ATF2: variants seen among roughly 807,000 people sequenced by gnomAD.
The protein encoded by ATF2 is activating transcription factor 2, also known as cyclic AMP-dependent transcription factor ATF-2.
Under a neutral mutation model 60.6 loss-of-function variants are expected in ATF2, and 24 were observed. The observed-to-expected ratio is 0.40, with a 90% CI of 0.29 to 0.56. The LOEUF is 0.56. ATF2 is among the 20% of genes least tolerant of loss of function. The pLI, the probability that ATF2 is intolerant of heterozygous loss-of-function variation, is 0.54. For missense variants in ATF2, 433 were observed against 607.7 expected, an observed-to-expected ratio of 0.71 and a Z score of 3.02; for synonymous variants, 206 against 215.4, an observed-to-expected ratio of 0.96 and a Z score of 0.38.
intron 2 of ATF2, among the ~76,000 whole-genome samples, chr2:175,141,237 C>T (rs903948988): frequency 1.3e-5 from 2 of 151,316 alleles, no homozygotes; most frequent in Non-Finnish European, 2.9e-5. Context: ...CAGTGAAACT[C>T]ACCCTAGTTT....
In ATF2 at chr2:175,125,559, G is replaced by A. The variant is rs112471221; in HGVS notation, c.103-4019C>T. Among the ~76,000 whole-genome samples, 425 of 152,128 alleles carry A rather than the reference G, an allele frequency of 2.8e-3. 1 individual carries two copies. The highest frequency in any genetic ancestry group is 6.9e-3 in the African/African-American group (285 of 41,542). On this transcript the variant is annotated intron_variant, in intron 4 of 13. Transcript: ENST00000264110. ...AAAATACACGAAGAAACTTAGAAAC[G>A]TGTAAACATTTAAATCCAGTTATTC...
At chr2:175,117,105 A>C (rs1209877577) in intron 7 of ATF2, among the ~76,000 whole-genome samples, 1 of 151,884 alleles carries the variant, frequency 6.6e-6, no homozygotes, top group Non-Finnish European at 1.5e-5. Context: ...TCTAGAAAAA[A>C]ATGTTTCAAG....
At chr2:175,113,193 T>C (rs1696321178) in intron 9 of ATF2, among the ~76,000 whole-genome samples, 1 of 152,100 alleles carries the variant, frequency 6.6e-6, no homozygotes, top group Non-Finnish European at 1.5e-5. Flanking sequence ...TTTTATGTAA[T>C]GTAAGTAAGA....
At chr2:175,142,794 GA>G (rs1366445072) in intron 2 of ATF2, among the ~76,000 whole-genome samples, 81 of 151,174 alleles carry the variant, frequency 5.4e-4, no homozygotes, top group African/African-American at 1.9e-3. Flanking sequence ...GCTGCAGAGA[GA>G]AACAGAAAGA....
At chr2:175,082,559 G>A (rs1314747961) in intron 12 of ATF2, among the ~76,000 whole-genome samples, 1 of 152,140 alleles carries the variant, frequency 6.6e-6, no homozygotes, top group Admixed American at 6.5e-5. Context: ...CCTGTAACAG[G>A]AAATGGGCTG....
chr2:175,136,458 A>T lies in ATF2; in HGVS notation c.-15T>A, dbSNP rs1698148817. ...TTGAATTTCATAAGTTGAATAACTTATCACATTCTTTTTCTCATGGCAAGA... is the reference window on the plus strand; with the variant it reads ...TTGAATTTCATAAGTTGAATAACTTTTCACATTCTTTTTCTCATGGCAAGA... On this transcript the variant is annotated 5_prime_UTR_variant, in exon 3 of 14. Coordinates refer to ENST00000264110, the MANE Select transcript of ATF2 (RefSeq NM_001880.4). The T allele has an allele frequency of 6.2e-7, 1 of 1,608,212 alleles. No individual in the cohort carries two copies. The highest frequency in any genetic ancestry group is 1.3e-5 in the African/African-American group (1 of 74,730).
chr2:175,082,290 T>C (rs189794305), intron 12 of ATF2, among the ~76,000 whole-genome samples: 211 of 152,316 alleles, frequency 1.4e-3, no homozygotes, highest in African/African-American at 4.2e-3. Context: ...ATTTAGAATA[T>C]TGTATTTGAG....
intron 12 of ATF2, among the ~76,000 whole-genome samples, chr2:175,082,749 C>T (rs1446209126): frequency 6.6e-6 from 1 of 152,118 alleles, no homozygotes; most frequent in Non-Finnish European, 1.5e-5. Context: ...ATGAAATAAC[C>T]AGTATTTGTC....
intron 4 of ATF2, among the ~76,000 whole-genome samples, chr2:175,123,148 T>C (rs1306914193): frequency 1.3e-5 from 2 of 152,066 alleles, no homozygotes; most frequent in African/African-American, 4.8e-5. Flanking sequence ...CCTATTACTT[T>C]ATCATTATAA....
chr2:175,140,085 C>G lies in ATF2; in HGVS notation c.-43-3599G>C, dbSNP rs142628965. On this transcript the variant is annotated intron_variant, in intron 2 of 13. Transcript: ENST00000264110. ...GGAATAAATTTAAGTAACAAATAAT[C>G]TTTAATTTCATAGAGGTAACTATGA... Among the ~76,000 whole-genome samples, 253 of 152,124 alleles carry G rather than the reference C, an allele frequency of 1.7e-3. 1 individual carries two copies. Among genetic ancestry groups the G allele is most frequent in the Middle Eastern group, 6.8e-3 (2 of 294 alleles).
chr2:175,076,921 A>G (rs1693360478), intron 13 of ATF2, among the ~76,000 whole-genome samples: 1 of 149,302 alleles, frequency 6.7e-6, no homozygotes, highest in Non-Finnish European at 1.5e-5. Flanking sequence ...AACATTAGGT[A>G]TATCTCCCAA....
intron 2 of ATF2, among the ~76,000 whole-genome samples, chr2:175,144,310 G>T (rs1441241362): frequency 3.3e-5 from 5 of 152,076 alleles, no homozygotes; most frequent in African/African-American, 9.7e-5. Context: ...TATTTCTCCT[G>T]CTATTTTACG....
At chr2:175,110,733 G>A (rs1202122486) in intron 10 of ATF2, among the ~76,000 whole-genome samples, 1 of 152,118 alleles carries the variant, frequency 6.6e-6, no homozygotes, top group Non-Finnish European at 1.5e-5. Context: ...AGCCACCCGA[G>A]TAGCTAGGAT....
intron 1 of ATF2, 93 bp from the exon 2 acceptor site, chr2:175,151,251 A>T (rs763568188): frequency 6.6e-5 from 10 of 152,146 alleles, no homozygotes; most frequent in Non-Finnish European, 1.3e-4. Flanking sequence ...TAGAATTTTT[A>T]AAAATGTTTT....
Position 175,118,131 on chromosome 2 carries a change from T to A in ATF2, c.319-13A>T. On this transcript the variant is annotated splice_polypyrimidine_tract_variant and intron_variant, in intron 6 of 13. Transcript: ENST00000264110. ...AATCTAGAGGCATCTATAATTCAAA[T>A]AATAAGGAAAAGGTTATAAGTTCAA... 1 of 1,606,968 alleles carries A rather than the reference T, an allele frequency of 6.2e-7. No individual in the cohort carries two copies. Among genetic ancestry groups the A allele is most frequent in the Non-Finnish European group, 8.5e-7 (1 of 1,177,218 alleles).
chr2:175,074,658 G>C lies in ATF2; in HGVS notation c.1469C>G (p.Ser490Ter). Residue 490 changes from serine to a stop codon, truncating the protein, a stop_gained, in exon 14 of 14, where the codon TCA (serine) becomes TGA (stop). Coordinates refer to ENST00000264110, the MANE Select transcript of ATF2 (RefSeq NM_001880.4). LOFTEE classifies it high-confidence loss of function. ...GGAGGAAGGAGCCATAACGATCTGT[G>C]AAAGAGCAGGCTCTGTACTCTGGTC... ...MADQSTEPAL[S>*]QIVMAPSSQS... 1 of 1,613,296 alleles carries C rather than the reference G, an allele frequency of 6.2e-7. No individual in the cohort carries two copies. The highest frequency in any genetic ancestry group is 8.5e-7 in the Non-Finnish European group (1 of 1,179,618).
Position 175,154,153 on chromosome 2 carries a change from G to A in ATF2, c.-142-2995C>T, listed in dbSNP as rs535696465. ...CGCTTGAACCTGGGAGGCGGCGGTT[G>A]CAGTGAGCCAAGATTGCACCACTGC... On this transcript the variant is annotated intron_variant, in intron 1 of 13. Coordinates refer to ENST00000264110, the MANE Select transcript of ATF2 (RefSeq NM_001880.4). 1.1e-4 allele frequency among the ~76,000 whole-genome samples: 17 copies of A among 151,048 alleles called. No homozygotes were observed. The East Asian group carries it at 3.3e-3, about 29-fold the overall frequency.
chr2:175,105,003 A>G (rs186708618), intron 10 of ATF2, among the ~76,000 whole-genome samples: 38 of 152,316 alleles, frequency 2.5e-4, no homozygotes, highest in African/African-American at 9.1e-4. Flanking sequence ...ATAATTAATG[A>G]ATATTTAAGA....
At chr2:175,122,377 G>C (rs1297132211) in intron 4 of ATF2, among the ~76,000 whole-genome samples, 1 of 151,868 alleles carries the variant, frequency 6.6e-6, no homozygotes, top group African/African-American at 2.4e-5. Context: ...TGTTATTTCA[G>C]AGCAATAATT....
Sources: gnomAD v4.1 joint callset for allele counts (sites outside exome capture counted in the v4.1 genomes callset) on GRCh38, gnomAD v4.1.1 for gene constraint, MANE v1.5 for transcripts, NCBI Gene and HGNC (gene_info 2026-07-23, HGNC 2026-07-21) for gene names.